Variants in YBX3 observed in about 807,000 individuals in gnomAD.
YBX3 encodes Y-box binding protein 3.
In YBX3, 29 loss-of-function variants were observed where a neutral mutation model predicts 42.4. That is an observed-to-expected ratio of 0.68 (90% confidence interval 0.51 to 0.93). The LOEUF (loss-of-function observed/expected upper bound fraction) is 0.93. YBX3 is among the 40% of genes least tolerant of loss of function. The pLI is 0.00. For synonymous variants in YBX3, 195 were observed against 189.8 expected (o/e 1.03, Z -0.22); for missense variants, 517 against 527.5 (o/e 0.98, Z 0.19).
At chr12:10,708,318 ATT>A (rs11331679) in intron 6 of YBX3, among the ~76,000 whole-genome samples, 1 of 150,770 alleles carries the variant, frequency 6.6e-6, no homozygotes, top group South Asian at 2.1e-4. Context: ...ATATATTCCT[ATT>A]TTTTTTTTCT....
chr12:10,700,902 A>T (rs555194304), intron 9 of YBX3, among the ~76,000 whole-genome samples: 3 of 152,226 alleles, frequency 2.0e-5, no homozygotes, highest in Non-Finnish European at 4.4e-5. Context: ...TCTGATTACT[A>T]AACAGGTTCT....
chr12:10,705,030 A>G (rs1352872857), intron 6 of YBX3, among the ~76,000 whole-genome samples: 2 of 152,240 alleles, frequency 1.3e-5, no homozygotes, highest in African/African-American at 2.4e-5. Flanking sequence ...GATGCCCTTT[A>G]TAGCAAAAAC....
Position 10,701,256 on chromosome 12 carries a change from G to A in YBX3, c.*32C>T, listed in dbSNP as rs776795674. ...GACTGGGCTGCCCCAGCTCTTACCT[G>A]CCGATGGTGAAGGTGCCTGAGGAGC... On this transcript the variant is annotated splice_region_variant and 3_prime_UTR_variant, in exon 9 of 10. Coordinates refer to ENST00000228251, the MANE Select transcript of YBX3 (RefSeq NM_003651.5). 2 of 778,176 alleles carry A rather than the reference G, an allele frequency of 2.6e-6. No homozygotes were observed. Among genetic ancestry groups the A allele is most frequent in the Admixed American group, 3.4e-5 (2 of 58,562 alleles). 48.2% of individuals were successfully genotyped at this position (778,176 alleles called of 1,614,324 possible). A position where few individuals can be genotyped will look rare whatever the true frequency, so the allele number is the denominator to read the frequency against.
At chr12:10,716,552 T>C (rs974194667) in intron 3 of YBX3, among the ~76,000 whole-genome samples, 2 of 152,230 alleles carry the variant, frequency 1.3e-5, no homozygotes, top group African/African-American at 4.8e-5. Flanking sequence ...CTGCTCTCTC[T>C]TGTTCCATCA....
chr12:10,717,933 T>C, intron 3 of YBX3, 155 bp downstream of exon 3: 1 of 526,022 alleles, frequency 1.9e-6, no homozygotes. Context: ...TTTGCCAATC[T>C]TAAAATGTGG....
rs533930946 is a variant in YBX3, at chr12:10,699,468, A to G, written c.*221T>C. ...TCCGTGCAGGAATTCCCAGGTTCTC[A>G]GCTTGCTGGAAAAATTTGTTGACAT... On this transcript the variant is annotated 3_prime_UTR_variant, in exon 10 of 10. Coordinates refer to ENST00000228251, the MANE Select transcript of YBX3 (RefSeq NM_003651.5). The G allele has an allele frequency of 6.5e-6, 1 of 152,748 alleles. No individual in the cohort carries two copies. The highest frequency in any genetic ancestry group is 2.1e-4 in the South Asian group (1 of 4,828). 9.5% of individuals were successfully genotyped at this position (152,748 alleles called of 1,614,324 possible).
chr12:10,705,893 G>A (rs1431101430), intron 6 of YBX3, among the ~76,000 whole-genome samples: 4 of 151,764 alleles, frequency 2.6e-5, no homozygotes, highest in African/African-American at 7.3e-5. Context: ...GTACTTCTTC[G>A]CTTTCTGGCA....
At chr12:10,720,569 G>A (rs1319647891) in intron 1 of YBX3, among the ~76,000 whole-genome samples, 2 of 152,096 alleles carry the variant, frequency 1.3e-5, no homozygotes, top group Non-Finnish European at 2.9e-5. Flanking sequence ...AATGTACACA[G>A]TAGAGGCCTG....
intron 5 of YBX3, chr12:10,712,167 A>T (rs550839179): frequency 6.6e-6 from 1 of 152,334 alleles, no homozygotes; most frequent in African/African-American, 2.4e-5. Context: ...GTCATTCTCA[A>T]TCTGCAGATA....
Position 10,719,140 on chromosome 12 carries a change from G to A in YBX3, c.266C>T (p.Thr89Ile), listed in dbSNP as rs1948296662. 1 of 1,613,292 alleles carries A rather than the reference G, an allele frequency of 6.2e-7. No individual in the cohort carries two copies. Among genetic ancestry groups the A allele is most frequent in the Non-Finnish European group, 8.5e-7 (1 of 1,179,552 alleles). ...SEDAEKKVLA[T>I]KVLGTVKWFN... Reference sequence around the variant, plus strand: ...CCATTTGACAGTGCCAAGGACTTTGGTGGCTAAAATAGGATTAAGCAGATA... The same window carrying A: ...CCATTTGACAGTGCCAAGGACTTTGATGGCTAAAATAGGATTAAGCAGATA... The change falls in exon 2 of 10, where the codon ACC becomes ATC. Residue 89 changes from threonine to isoleucine, a missense_variant. This residue lies in a region of YBX3 where 420 missense variants were observed against 408.5 expected (regional missense o/e 1.03). Coordinates refer to ENST00000228251, the MANE Select transcript of YBX3 (RefSeq NM_003651.5).
intron 1 of YBX3, 21 bp downstream of exon 1, chr12:10,722,829 G>T: frequency 2.1e-6 from 3 of 1,447,198 alleles, no homozygotes; most frequent in Non-Finnish European, 9.1e-7. Flanking sequence ...GGCAGCCCCT[G>T]CCCTCCCTGG....
intron 1 of YBX3, 44 bp from the exon 2 acceptor site, chr12:10,719,187 G>GAGATATA: frequency 2.7e-6 from 4 of 1,495,990 alleles, no homozygotes; most frequent in Non-Finnish European, 3.7e-6. Flanking sequence ...GACCTACAGA[G>GAGATATA]AGATATAGCT....
intron 6 of YBX3, among the ~76,000 whole-genome samples, chr12:10,708,377 G>A (rs1194905105): frequency 1.3e-5 from 2 of 151,890 alleles, no homozygotes; most frequent in African/African-American, 2.4e-5. Flanking sequence ...GAAAACGTTG[G>A]CGAAGACTTT....
chr12:10,711,956 A>T (rs1441795975), intron 5 of YBX3: 2 of 152,210 alleles, frequency 1.3e-5, no homozygotes, highest in Non-Finnish European at 2.9e-5. Flanking sequence ...ATGATGTAGG[A>T]AATGCTACAG....
chr12:10,706,628 T>A (rs1948140132), intron 6 of YBX3, among the ~76,000 whole-genome samples: 1 of 152,212 alleles, frequency 6.6e-6, no homozygotes, highest in Non-Finnish European at 1.5e-5. Context: ...TAATCGTTGG[T>A]GTGTCCCAGA....
At chr12:10,713,826 A>C (rs569384601) in intron 4 of YBX3, among the ~76,000 whole-genome samples, 2 of 152,362 alleles carry the variant, frequency 1.3e-5, no homozygotes, top group South Asian at 4.1e-4. Context: ...GGCAGCAACA[A>C]GAAGAAAGGG....
chr12:10,721,311 TCTGTTTCCTTCATCTTTAAAGA>T (rs1464809274), intron 1 of YBX3, among the ~76,000 whole-genome samples: 1 of 152,250 alleles, frequency 6.6e-6, no homozygotes, highest in African/African-American at 2.4e-5. Flanking sequence ...CCTTCATTTA[TCTGTTTCCTTCATCTTTAAAGA>T]TAGTATCTGC....
chr12:10,715,621 G>C (rs1591581575), intron 4 of YBX3, 73 bp downstream of exon 4: 1 of 1,306,410 alleles, frequency 7.7e-7, no homozygotes, highest in East Asian at 2.3e-5. Context: ...ATTCATAAGG[G>C]GCTGATAGAT....
rs1244675849 is a variant in YBX3, at chr12:10,704,180, T to A, written c.781-32A>T. On this transcript the variant is annotated intron_variant, in intron 6 of 9. Coordinates refer to ENST00000228251, the MANE Select transcript of YBX3 (RefSeq NM_003651.5). ...AGGCAATGAGAGCTGACAGTGAGTGTCACAGCACAGGGGATAAGATACAGT... is the reference window on the plus strand; with the variant it reads ...AGGCAATGAGAGCTGACAGTGAGTGACACAGCACAGGGGATAAGATACAGT... The A allele has an allele frequency of 1.9e-6, 3 of 1,586,626 alleles. No homozygotes were observed. The East Asian group carries it at 6.7e-5, about 35-fold the overall frequency.
Sources: allele counts gnomAD v4.1 joint callset (sites outside exome capture counted in the v4.1 genomes callset), GRCh38; gene constraint gnomAD v4.1.1; regional missense constraint gnomAD v4.1.1; transcripts MANE v1.5; gene names NCBI Gene and HGNC (gene_info 2026-07-23, HGNC 2026-07-21).